The following TCAF1 variants were observed in gnomAD, a reference collection of about 807,000 sequenced individuals.
TCAF1 encodes TRPM8 channel-associated factor 1.
In TCAF1, 4 loss-of-function variants were observed where a neutral mutation model predicts 27.3. The observed-to-expected ratio is 0.15, with a 90% CI of 0.07 to 0.34. The LOEUF is 0.34. Among genes scored for constraint, TCAF1 ranks in the 10% least tolerant of loss-of-function variants. The probability of loss-of-function intolerance (pLI) is 1.00; values close to 1 mark genes in which losing one functional copy is unlikely to be tolerated. For synonymous variants in TCAF1, 105 were observed against 167.1 expected, an observed-to-expected ratio of 0.63 and a Z score of 2.87; for missense variants, 257 against 425.8, an observed-to-expected ratio of 0.60 and a Z score of 3.49.
chr7:143,892,172 A>C (rs1261502165), intron 1 of TCAF1, among the ~76,000 whole-genome samples: 2 of 152,194 alleles, frequency 1.3e-5, no homozygotes, highest in Non-Finnish European at 2.9e-5. Flanking sequence ...TGAAAAGAGT[A>C]AATACATAGG....
intron 1 of TCAF1, among the ~76,000 whole-genome samples, chr7:143,895,019 CATA>C (rs200836243): frequency 0.012 from 1,767 of 151,606 alleles, 35 homozygotes; most frequent in African/African-American, 0.04. Flanking sequence ...AAATTAAAAC[CATA>C]ATAAGATACC....
intron 2 of TCAF1, among the ~76,000 whole-genome samples, chr7:143,874,964 G>T (rs1812608188): frequency 6.6e-6 from 1 of 152,150 alleles, no homozygotes; most frequent in African/African-American, 2.4e-5. Flanking sequence ...CTTTGCAGAA[G>T]CCCAATATTT....
chr7:143,888,504 A>C (rs1285844135), intron 1 of TCAF1, among the ~76,000 whole-genome samples: 1 of 152,248 alleles, frequency 6.6e-6, no homozygotes, highest in African/African-American at 2.4e-5. Context: ...AAATCAATGC[A>C]ATTTGCTTGT....
Position 143,892,382 on chromosome 7 carries a change from TTAAAA to T in TCAF1, c.-15+9574_-15+9578del, listed in dbSNP as rs1281517080. ...TGAACTGTAATATCTAAAGTAACCA[TTAAAA>T]TAATTTAAAAAATTATAATTCAAAA... On this transcript the variant is annotated intron_variant, in intron 1 of 8. Transcript: ENST00000479870. Among the ~76,000 whole-genome samples the T allele has an allele frequency of 4.6e-5, 7 of 151,886 alleles. No individual in the cohort carries two copies. In the East Asian group the frequency reaches 1.3e-3, roughly 29 times the overall value.
chr7:143,860,686 T>G (rs1325694220), intron 5 of TCAF1, among the ~76,000 whole-genome samples: 1 of 152,304 alleles, frequency 6.6e-6, no homozygotes, highest in Admixed American at 6.5e-5. Flanking sequence ...AAGCCCAGCA[T>G]GCATTAGCTA....
chr7:143,876,294 G>A lies in TCAF1; in HGVS notation c.315C>T (p.Leu105=), dbSNP rs753036536. The A allele has an allele frequency of 2.1e-5, 34 of 1,614,054 alleles. No homozygotes were observed. The East Asian group carries it at 3.8e-4, about 18-fold the overall frequency. The change falls in exon 2 of 9, where the codon CTC becomes CTT. Residue 105 remains leucine (L), a synonymous_variant. Coordinates refer to ENST00000479870, the MANE Select transcript of TCAF1 (RefSeq NM_014719.3). The part of the protein sequence containing the change: ...HPSLAPLAKI[L]EGSGVDAKVE... The stretch of plus-strand genomic sequence containing the variant: ...CCTTTGCATCCACTCCAGAGCCCTC[G>A]AGGATTTTGGCCAAAGGTGCCAGGG...
intron 1 of TCAF1, among the ~76,000 whole-genome samples, chr7:143,883,070 G>C (rs770462321): frequency 1.3e-5 from 2 of 152,174 alleles, no homozygotes; most frequent in African/African-American, 2.4e-5. Flanking sequence ...TTTCATTAAA[G>C]ATACAAACTT....
chr7:143,886,605 C>A, intron 1 of TCAF1: 1 of 863,480 alleles, frequency 1.2e-6, no homozygotes, highest in Non-Finnish European at 1.4e-6. Context: ...CAAACAGCAG[C>A]CTAAAGCAGA....
At chr7:143,865,319 TA>T in intron 2 of TCAF1, among the ~76,000 whole-genome samples, 1 of 100,358 alleles carries the variant, frequency 1.0e-5, no homozygotes, top group East Asian at 2.7e-4. Context: ...TTCATGCAAT[TA>T]TTTTTTTTTA....
intron 1 of TCAF1, among the ~76,000 whole-genome samples, chr7:143,877,513 G>A (rs896101080): frequency 3.9e-5 from 6 of 152,206 alleles, no homozygotes; most frequent in African/African-American, 1.2e-4. Context: ...AGGAGCAGAA[G>A]GTAACAAGAT....
At chr7:143,875,890 TG>T in intron 2 of TCAF1, 98 bp downstream of exon 2, 1 of 1,082,852 alleles carries the variant, frequency 9.2e-7, no homozygotes, top group Non-Finnish European at 1.3e-6. Context: ...TCTGAGTGCC[TG>T]GGAGCACTCT....
At chr7:143,891,223 T>C (rs1813623438) in intron 1 of TCAF1, among the ~76,000 whole-genome samples, 2 of 152,164 alleles carry the variant, frequency 1.3e-5, no homozygotes, top group South Asian at 4.1e-4. Flanking sequence ...TTTATATTTT[T>C]TCATCCACAA....
Position 143,893,342 on chromosome 7 carries a change from C to T in TCAF1, c.-15+8619G>A, listed in dbSNP as rs191539833. Among the ~76,000 whole-genome samples, 68 of 152,166 alleles carry T rather than the reference C, an allele frequency of 4.5e-4. 1 individual carries two copies. The South Asian group carries it at 0.013, about 29-fold the overall frequency. On this transcript the variant is annotated intron_variant, in intron 1 of 8. Transcript: ENST00000479870. ...GTTGAAGATTTAAGTACATTTTTCT[C>T]AGTAATCTGAATAAACAAGTGCATA...
At chr7:143,877,321 T>G (rs1317337077) in intron 1 of TCAF1, among the ~76,000 whole-genome samples, 1 of 152,278 alleles carries the variant, frequency 6.6e-6, no homozygotes, top group African/African-American at 2.4e-5. Context: ...CGGCATGTTG[T>G]GCTCCCAGCC....
At chr7:143,885,514 C>G in intron 1 of TCAF1, 1 of 985,360 alleles carries the variant, frequency 1.0e-6, no homozygotes, top group Non-Finnish European at 1.2e-6. Flanking sequence ...GACCCAGACG[C>G]CCGCCCTCAG....
intron 1 of TCAF1, among the ~76,000 whole-genome samples, chr7:143,879,460 C>T (rs543398029): frequency 1.3e-5 from 2 of 152,246 alleles, no homozygotes; most frequent in Admixed American, 6.5e-5. Flanking sequence ...CCATCACAAT[C>T]GGCAGGAATG....
intron 1 of TCAF1, chr7:143,885,170 C>A: frequency 1.0e-6 from 1 of 985,572 alleles, no homozygotes. Context: ...TGTGCCCGGG[C>A]CTGGTCTGGT....
intron 1 of TCAF1, among the ~76,000 whole-genome samples, chr7:143,883,494 C>CCTTTT (rs1562967139): frequency 1.9e-5 from 2 of 105,214 alleles, no homozygotes; most frequent in African/African-American, 9.7e-5. Context: ...TCTTTCTTTC[C>CCTTTT]TTTTTCTTTT....
chr7:143,885,638 G>A (rs888028340), intron 1 of TCAF1: 4 of 845,682 alleles, frequency 4.7e-6, no homozygotes, highest in Non-Finnish European at 5.7e-6. Flanking sequence ...TATTTCCAAG[G>A]ATGGGTTAAA....
Sources: allele counts gnomAD v4.1 joint callset (sites outside exome capture counted in the v4.1 genomes callset), GRCh38; gene constraint gnomAD v4.1.1; transcripts MANE v1.5; gene names NCBI Gene and HGNC (gene_info 2026-07-23, HGNC 2026-07-21).